The following AGBL4 variants were observed in gnomAD, a reference collection of about 807,000 sequenced individuals.
The protein encoded by AGBL4 is cytosolic carboxypeptidase 6.
A neutral mutation model predicts 66.4 loss-of-function variants in AGBL4; 58 were observed. The observed-to-expected ratio is 0.87, with a 90% CI of 0.71 to 1.09. The LOEUF is 1.09. Among genes scored for constraint, AGBL4 ranks in the 50% least tolerant of loss-of-function variants. The pLI is 0.00. For missense variants in AGBL4, 579 were observed against 631.0 expected, an observed-to-expected ratio of 0.92 and a Z score of 0.88; for synonymous variants, 234 against 222.9, an observed-to-expected ratio of 1.05 and a Z score of -0.44.
At chr1:49,026,163 C>CTCTA (rs1279079138) in intron 5 of AGBL4, among the ~76,000 whole-genome samples, 1 of 152,136 alleles carries the variant, frequency 6.6e-6, no homozygotes, top group Non-Finnish European at 1.5e-5. Context: ...AAAAATTGAG[C>CTCTA]TCTAGTTTAC....
chr1:49,403,945 T>C (rs1346932491), intron 3 of AGBL4, among the ~76,000 whole-genome samples: 2 of 152,198 alleles, frequency 1.3e-5, no homozygotes, highest in Non-Finnish European at 2.9e-5. Context: ...CACCCTCTTC[T>C]ATCTGAGTCA....
intron 1 of AGBL4, among the ~76,000 whole-genome samples, chr1:49,868,503 G>A (rs1646761540): frequency 6.6e-6 from 1 of 152,172 alleles, no homozygotes; most frequent in Non-Finnish European, 1.5e-5. Flanking sequence ...AACAAGCAAT[G>A]AGAAAAGGAT....
chr1:49,286,022 G>C (rs1034658340), intron 3 of AGBL4, among the ~76,000 whole-genome samples: 3 of 152,164 alleles, frequency 2.0e-5, no homozygotes, highest in Admixed American at 6.5e-5. Context: ...CCATGATCAA[G>C]TGGGCTTCAT....
At chr1:49,399,047 G>A (rs1645030864) in intron 3 of AGBL4, among the ~76,000 whole-genome samples, 1 of 151,906 alleles carries the variant, frequency 6.6e-6, no homozygotes, top group Non-Finnish European at 1.5e-5. Context: ...ACATCCATGA[G>A]TTTGATTATT....
intron 2 of AGBL4, among the ~76,000 whole-genome samples, chr1:49,813,730 T>A (rs972339248): frequency 6.6e-6 from 1 of 150,950 alleles, no homozygotes; most frequent in Non-Finnish European, 1.5e-5. Flanking sequence ...CGAAAATAAA[T>A]ATATAACAGG....
chr1:49,876,888 G>C (rs1480712377), intron 1 of AGBL4, among the ~76,000 whole-genome samples: 2 of 150,262 alleles, frequency 1.3e-5, no homozygotes, highest in East Asian at 3.9e-4. Context: ...CTTGTAAGTT[G>C]GATTCCTAGG....
chr1:49,627,914 C>T (rs1201726872), intron 3 of AGBL4, among the ~76,000 whole-genome samples: 1 of 152,082 alleles, frequency 6.6e-6, no homozygotes, highest in Non-Finnish European at 1.5e-5. Flanking sequence ...ATACCATTTC[C>T]ATAAGGCAGT....
chr1:50,005,970 A>G (rs1661095945), intron 1 of AGBL4, among the ~76,000 whole-genome samples: 1 of 152,188 alleles, frequency 6.6e-6, no homozygotes. Flanking sequence ...AGGAGACAAA[A>G]TAAAAAAGAA....
chr1:49,368,485 A>AT (rs1053521695), intron 3 of AGBL4, among the ~76,000 whole-genome samples: 5 of 151,674 alleles, frequency 3.3e-5, no homozygotes, highest in Non-Finnish European at 5.9e-5. Flanking sequence ...TACCATTATC[A>AT]TTTTTTTTAC....
intron 1 of AGBL4, among the ~76,000 whole-genome samples, chr1:50,004,436 G>T (rs1238440431): frequency 6.6e-6 from 1 of 152,166 alleles, no homozygotes; most frequent in South Asian, 2.1e-4. Flanking sequence ...AACCAGCCAG[G>T]ATAGCCAAGG....
chr1:49,415,912 C>T (rs1385371882), intron 3 of AGBL4, among the ~76,000 whole-genome samples: 2 of 152,070 alleles, frequency 1.3e-5, no homozygotes, highest in African/African-American at 2.4e-5. Flanking sequence ...CATACCCCAA[C>T]ACCCCTCAGA....
chr1:48,593,424 T>C (rs918594572), intron 9 of AGBL4, among the ~76,000 whole-genome samples: 2 of 152,250 alleles, frequency 1.3e-5, no homozygotes, highest in Non-Finnish European at 2.9e-5. Flanking sequence ...GAAATTTGTA[T>C]ATATATTATT....
intron 6 of AGBL4, among the ~76,000 whole-genome samples, chr1:48,784,293 C>T (rs767181825): frequency 1.1e-4 from 16 of 152,100 alleles, no homozygotes; most frequent in African/African-American, 1.7e-4. Flanking sequence ...CACATATCCC[C>T]ATTCTGACAC....
chr1:49,306,932 G>A (rs370489821), intron 3 of AGBL4, among the ~76,000 whole-genome samples: 3 of 152,262 alleles, frequency 2.0e-5, no homozygotes, highest in East Asian at 1.9e-4. Context: ...GAAAGTGGAG[G>A]CTAAGAAAGT....
rs77779217 is a variant in AGBL4 at position 48,643,690 on chromosome 1, A to G, written c.840-9086T>C. ...CAATGGTAACTTTCAGCCCTCAGGA[A>G]TGAAAAGAATGGGTCTTCTTCTCCA... On this transcript the variant is annotated intron_variant, in intron 8 of 13. Coordinates refer to ENST00000371839, the MANE Select transcript of AGBL4 (RefSeq NM_032785.4). Among the ~76,000 whole-genome samples the G allele has an allele frequency of 7.8e-3, 1,190 of 152,362 alleles. 11 individuals are homozygous for G. The highest frequency in any genetic ancestry group is 0.01 in the Admixed American group (158 of 15,310).
At chr1:49,666,858 C>A (rs890101408) in intron 3 of AGBL4, among the ~76,000 whole-genome samples, 1 of 152,050 alleles carries the variant, frequency 6.6e-6, no homozygotes, top group Non-Finnish European at 1.5e-5. Flanking sequence ...GGGCATACAG[C>A]TGGAGCCAAA....
intron 1 of AGBL4, among the ~76,000 whole-genome samples, chr1:49,905,483 T>C (rs1650184576): frequency 6.6e-6 from 1 of 152,156 alleles, no homozygotes; most frequent in African/African-American, 2.4e-5. Context: ...GTTCAGATTA[T>C]GGTCCAGGGT....
intron 3 of AGBL4, among the ~76,000 whole-genome samples, chr1:49,266,784 G>A (rs1643929907): frequency 6.6e-6 from 1 of 152,150 alleles, no homozygotes; most frequent in African/African-American, 2.4e-5. Flanking sequence ...GGGCTGGGTA[G>A]GGCAAGAGAT....
At chr1:48,774,482 C>T (rs548598990) in intron 6 of AGBL4, among the ~76,000 whole-genome samples, 1 of 152,030 alleles carries the variant, frequency 6.6e-6, no homozygotes, top group Non-Finnish European at 1.5e-5. Context: ...TCTTTTTTTC[C>T]CCTTTCTCCT....
Sources: allele counts gnomAD v4.1 joint callset (sites outside exome capture counted in the v4.1 genomes callset), GRCh38; gene constraint gnomAD v4.1.1; transcripts MANE v1.5; gene names NCBI Gene and HGNC (gene_info 2026-07-23, HGNC 2026-07-21).